BCAR3: variants seen among roughly 807,000 people sequenced by gnomAD.
The protein encoded by BCAR3 is BCAR3 adaptor protein, NSP family member.
BCAR3 carries 37 observed loss-of-function variants against 80.1 expected under a neutral mutation model. The observed-to-expected ratio is 0.46, with a 90% CI of 0.36 to 0.61. BCAR3 has a LOEUF of 0.61. Ranked by LOEUF, BCAR3 falls within the 20% of genes least tolerant of loss-of-function variation. The pLI, the probability that BCAR3 is intolerant of heterozygous loss-of-function variation, is 0.00. For missense variants in BCAR3, 978 were observed against 1,068.2 expected, an observed-to-expected ratio of 0.92 and a Z score of 1.18; for synonymous variants, 389 against 418.9, an observed-to-expected ratio of 0.93 and a Z score of 0.87.
chr1:93,620,198 T>A (rs1244550339), intron 3 of BCAR3, among the ~76,000 whole-genome samples: 1 of 152,212 alleles, frequency 6.6e-6, no homozygotes, highest in Non-Finnish European at 1.5e-5. Context: ...CACTGACCAC[T>A]GGCTGGCTCC....
At chr1:93,633,154 A>T (rs1432213139) in intron 3 of BCAR3, among the ~76,000 whole-genome samples, 4 of 152,214 alleles carry the variant, frequency 2.6e-5, no homozygotes, top group Non-Finnish European at 2.9e-5. Flanking sequence ...ATGCTCGAAG[A>T]TTAACGTCAC....
At chr1:93,619,100 ATTTTTTTT>A (rs34715455) in intron 3 of BCAR3, among the ~76,000 whole-genome samples, 191 of 126,728 alleles carry the variant, frequency 1.5e-3, no homozygotes, top group African/African-American at 5.3e-3. Context: ...CACCACGCCA[ATTTTTTTT>A]TTTTTTTTTT....
chr1:93,614,125 T>C, intron 3 of BCAR3: 1 of 1,378,224 alleles, frequency 7.3e-7, no homozygotes, highest in Non-Finnish European at 9.4e-7. Context: ...CTGAAGCCAA[T>C]ACGATCCACT....
At chr1:93,716,865 C>T (rs1240562222) in intron 2 of BCAR3, among the ~76,000 whole-genome samples, 4 of 152,196 alleles carry the variant, frequency 2.6e-5, no homozygotes, top group African/African-American at 9.7e-5. Flanking sequence ...GATGGACATG[C>T]TCTCAGGAGC....
intron 2 of BCAR3, among the ~76,000 whole-genome samples, chr1:93,812,431 T>G (rs997827477): frequency 1.3e-5 from 2 of 152,214 alleles, no homozygotes; most frequent in African/African-American, 4.8e-5. Flanking sequence ...CCATAGGCTC[T>G]GCACCACCTG....
intron 3 of BCAR3, among the ~76,000 whole-genome samples, chr1:93,705,465 C>T (rs1649800263): frequency 6.6e-6 from 1 of 152,192 alleles, no homozygotes; most frequent in South Asian, 2.1e-4. Context: ...ATATAACTTC[C>T]GACCACCTCC....
In BCAR3 at chr1:93,764,056, C is replaced by T. The variant is rs764291673; in HGVS notation, c.-62-57914G>A. The stretch of plus-strand genomic sequence containing the variant: ...TCCGGAAAGTGCTGTTGAAAGCCCA[C>T]ATTTATTTCTTGTCCACCACTGGAA... On this transcript the variant is annotated intron_variant, in intron 2 of 13. Coordinates refer to the BCAR3 transcript ENST00000370244. Among the ~76,000 whole-genome samples the T allele has an allele frequency of 9.7e-4, 147 of 152,238 alleles. 1 individual carries two copies. Among genetic ancestry groups the T allele is most frequent in the Middle Eastern group, 3.4e-3 (1 of 294 alleles).
At chr1:93,826,066 A>C (rs1654362362) in intron 2 of BCAR3, among the ~76,000 whole-genome samples, 1 of 152,198 alleles carries the variant, frequency 6.6e-6, no homozygotes, top group Non-Finnish European at 1.5e-5. Context: ...GGAAGACAGG[A>C]AGCAAGGGAA....
intron 3 of BCAR3, among the ~76,000 whole-genome samples, chr1:93,618,490 G>A (rs997532802): frequency 6.6e-6 from 1 of 152,220 alleles, no homozygotes; most frequent in African/African-American, 2.4e-5. Flanking sequence ...ACCAATTTCT[G>A]TTTCTCTAAC....
chr1:93,650,438 T>C (rs1416880248), intron 2 of BCAR3, among the ~76,000 whole-genome samples: 1 of 152,202 alleles, frequency 6.6e-6, no homozygotes, highest in East Asian at 1.9e-4. Context: ...AGCTGAGTGA[T>C]AATGAACACA....
intron 11 of BCAR3, among the ~76,000 whole-genome samples, chr1:93,562,681 G>A (rs1672743733): frequency 6.7e-6 from 1 of 148,434 alleles, no homozygotes; most frequent in African/African-American, 2.5e-5. Context: ...TGAGGCAGGA[G>A]AATGGCGTGA....
At chr1:93,623,816 A>G (rs1675382942) in intron 3 of BCAR3, among the ~76,000 whole-genome samples, 1 of 152,200 alleles carries the variant, frequency 6.6e-6, no homozygotes, top group Admixed American at 6.5e-5. Flanking sequence ...GTTGGAGATT[A>G]TGTGTATAAA....
intron 3 of BCAR3, among the ~76,000 whole-genome samples, chr1:93,705,921 C>T (rs1415288151): frequency 6.6e-6 from 1 of 152,202 alleles, no homozygotes; most frequent in Non-Finnish European, 1.5e-5. Flanking sequence ...TAGAGTCACC[C>T]AGAAACAACT....
intron 3 of BCAR3, among the ~76,000 whole-genome samples, chr1:93,699,264 T>A (rs1649547371): frequency 6.6e-6 from 1 of 152,202 alleles, no homozygotes; most frequent in Non-Finnish European, 1.5e-5. Flanking sequence ...CTGTGTCACC[T>A]GCAGAGTGTT....
At chr1:93,832,206 G>A (rs1338253537) in intron 2 of BCAR3, among the ~76,000 whole-genome samples, 4 of 152,150 alleles carry the variant, frequency 2.6e-5, no homozygotes, top group Non-Finnish European at 4.4e-5. Context: ...ACGTATTTCT[G>A]AGTTGCAATT....
chr1:93,697,011 C>T (rs960078881), intron 3 of BCAR3, among the ~76,000 whole-genome samples: 1 of 152,162 alleles, frequency 6.6e-6, no homozygotes, highest in African/African-American at 2.4e-5. Flanking sequence ...CGTGCACCCA[C>T]AAATGTGTCT....
chr1:93,603,187 C>G (rs1000257211), intron 3 of BCAR3, among the ~76,000 whole-genome samples: 2 of 152,214 alleles, frequency 1.3e-5, no homozygotes, highest in African/African-American at 4.8e-5. Context: ...TATTTTATAT[C>G]CCTGTTGGGT....
At chr1:93,721,836 C>T (rs1282714248) in intron 2 of BCAR3, among the ~76,000 whole-genome samples, 1 of 152,202 alleles carries the variant, frequency 6.6e-6, no homozygotes, top group Non-Finnish European at 1.5e-5. Flanking sequence ...ATTCTGTTTC[C>T]ACCACCTACT....
intron 2 of BCAR3, among the ~76,000 whole-genome samples, chr1:93,811,595 C>T (rs1008658836): frequency 1.3e-5 from 2 of 152,186 alleles, no homozygotes; most frequent in African/African-American, 4.8e-5. Flanking sequence ...ACAAATCCAA[C>T]CTATCCGCCA....
Sources: gnomAD v4.1 joint callset for allele counts (sites outside exome capture counted in the v4.1 genomes callset) on GRCh38, gnomAD v4.1.1 for gene constraint, MANE v1.5 for transcripts, NCBI Gene and HGNC (gene_info 2026-07-23, HGNC 2026-07-21) for gene names.